PSMD5: variants seen among roughly 807,000 people sequenced by gnomAD.
PSMD5 encodes 26S proteasome non-ATPase regulatory subunit 5.
Under a neutral mutation model 52.1 loss-of-function variants are expected in PSMD5, and 40 were observed. That is an observed-to-expected ratio of 0.77 (90% CI 0.60 to 1.00). The LOEUF (loss-of-function observed/expected upper bound fraction) is 1.00, where lower values mean the gene tolerates loss of function less well. PSMD5 is among the 50% of genes least tolerant of loss of function. The pLI, the probability that PSMD5 is intolerant of heterozygous loss-of-function variation, is 0.00. For synonymous variants in PSMD5, 211 were observed against 226.6 expected, an observed-to-expected ratio of 0.93 and a Z score of 0.62; for missense variants, 575 against 605.2, an observed-to-expected ratio of 0.95 and a Z score of 0.52.
chr9:120,821,224 A>T, intron 8 of PSMD5, 131 bp downstream of exon 8: 1 of 742,790 alleles, frequency 1.3e-6, no homozygotes, highest in Non-Finnish European at 2.1e-6. Context: ...ATTTTAAATT[A>T]AAAATGTCAC....
Position 120,831,380 on chromosome 9 carries a change from A to C in PSMD5, c.512T>G (p.Leu171Trp). The C allele has an allele frequency of 6.2e-7, 1 of 1,612,966 alleles. No homozygotes were observed. The highest frequency in any genetic ancestry group is 1.3e-5 in the African/African-American group (1 of 74,996). The change falls in exon 4 of 10, where the codon TTG (leucine) becomes TGG (tryptophan). Residue 171 changes from leucine to tryptophan, a missense_variant. Transcript: ENST00000210313. ...GTCATTTGTTTTCATTACACTTTTC[A>C]AATCATCCAGCAGATTGCTTTCAAA... The part of the protein sequence containing the change: ...ALFESNLLDD[L>W]KSVMKTNDIV...
rs145510801 is a variant in PSMD5, at chr9:120,829,321, A to T, written c.562-113T>A. ...TAGGTACTTTTTATAAATGAGTTTT[A>T]AAAAATCCATTATTTGTCTCTTTAA... On this transcript the variant is annotated intron_variant, in intron 4 of 9. Coordinates refer to ENST00000210313, the MANE Select transcript of PSMD5 (RefSeq NM_005047.4). 7.2e-5 allele frequency: 89 copies of T among 1,241,916 alleles called. No individual in the cohort carries two copies. The East Asian group carries it at 1.0e-3, about 14-fold the overall frequency. 76.9% of individuals were successfully genotyped at this position (1,241,916 alleles called of 1,614,324 possible). A position where few individuals can be genotyped will look rare whatever the true frequency, so the allele number is the denominator to read the frequency against.
chr9:120,821,589 C>T, intron 7 of PSMD5, 125 bp from the exon 8 acceptor site: 1 of 508,476 alleles, frequency 2.0e-6, no homozygotes, highest in Non-Finnish European at 3.3e-6. Context: ...TGTTGGGCAA[C>T]CATCATAACC....
intron 6 of PSMD5, chr9:120,824,893 G>A (rs2045112308): frequency 4.5e-6 from 2 of 447,848 alleles, no homozygotes; most frequent in Non-Finnish European, 3.9e-6. Context: ...CAATGGAGCT[G>A]GGACCAGCTA....
Position 120,833,672 on chromosome 9 carries a change from C to CTTTTTTTTTT in PSMD5, c.174-226_174-217dup, listed in dbSNP as rs71385094. Among the ~76,000 whole-genome samples the CTTTTTTTTTT allele has an allele frequency of 9.3e-5, 8 of 85,620 alleles. 1 individual carries two copies. Among genetic ancestry groups the CTTTTTTTTTT allele is most frequent in the South Asian group, 4.0e-4 (1 of 2,486 alleles). The allele number at this position is 85,620 out of a possible 152,430, so 56.2% of individuals were successfully genotyped here. A position where few individuals can be genotyped will look rare whatever the true frequency, so the allele number is the denominator to read the frequency against. On this transcript the variant is annotated intron_variant, in intron 1 of 9. Transcript: ENST00000210313. Reference sequence around the variant, plus strand: ...AGAATAAGATATGCACTCTAGTCTTCTTTTTTTTTTTTTTTTTTTTTTTTG... The same window carrying CTTTTTTTTTT: ...AGAATAAGATATGCACTCTAGTCTTCTTTTTTTTTTTTTTTTTTTTTTTTTTTTTTTTTTG...
intron 8 of PSMD5, 49 bp from the exon 9 acceptor site, chr9:120,821,028 A>G (rs747280532): frequency 6.6e-7 from 1 of 1,520,156 alleles, no homozygotes; most frequent in Non-Finnish European, 8.8e-7. Flanking sequence ...TGATCTGGAG[A>G]AAAGCACTTA....
intron 9 of PSMD5, among the ~76,000 whole-genome samples, chr9:120,818,769 A>G (rs1485609454): frequency 1.3e-5 from 2 of 151,692 alleles, no homozygotes; most frequent in Admixed American, 6.6e-5. Flanking sequence ...AAAAAAAAAA[A>G]GCAAAAACTG....
At chr9:120,824,964 C>T (rs545216033) in intron 6 of PSMD5, 92 of 266,022 alleles carry the variant, frequency 3.5e-4, no homozygotes, top group Non-Finnish European at 5.4e-4. Flanking sequence ...ATACAAATTA[C>T]AGGAAGGCAA....
chr9:120,839,185 T>C (rs16910165), intron 1 of PSMD5, among the ~76,000 whole-genome samples: 26,116 of 151,736 alleles, frequency 0.17, 2,570 homozygotes, highest in African/African-American at 0.25. Flanking sequence ...TAAGGAAAAA[T>C]AAGGGTGCCA....
chr9:120,831,976 T>C, intron 2 of PSMD5, 31 bp from the exon 3 acceptor site: 1 of 1,605,140 alleles, frequency 6.2e-7, no homozygotes, highest in Non-Finnish European at 8.5e-7. Context: ...AACACTCTTC[T>C]AAAGTAGGGC....
At chr9:120,825,295 G>A (rs964629664) in intron 6 of PSMD5, among the ~76,000 whole-genome samples, 3 of 152,126 alleles carry the variant, frequency 2.0e-5, no homozygotes, top group Non-Finnish European at 4.4e-5. Context: ...TCAACAGTAC[G>A]TAGCTCCAAG....
intron 4 of PSMD5, among the ~76,000 whole-genome samples, chr9:120,830,380 G>T (rs2045151551): frequency 6.6e-6 from 1 of 152,212 alleles, no homozygotes; most frequent in African/African-American, 2.4e-5. Flanking sequence ...AAAGGTCTCA[G>T]TTGGAAGTTT....
intron 9 of PSMD5, 43 bp from the exon 10 acceptor site, chr9:120,818,206 G>T: frequency 1.3e-6 from 2 of 1,566,616 alleles, no homozygotes; most frequent in Non-Finnish European, 1.7e-6. Context: ...CTGAGTGGAA[G>T]TTGTTTGTTA....
chr9:120,836,132 C>T (rs1416469410), intron 1 of PSMD5, among the ~76,000 whole-genome samples: 1 of 152,218 alleles, frequency 6.6e-6, no homozygotes. Flanking sequence ...TTTCATTTAG[C>T]ACAACGTCTT....
Position 120,824,778 on chromosome 9 carries a change from G to T in PSMD5, c.815-93C>A, listed in dbSNP as rs561429834. The T allele has an allele frequency of 4.7e-6, 5 of 1,064,020 alleles. No individual in the cohort carries two copies. The African/African-American group carries it at 8.0e-5, about 17-fold the overall frequency. 65.9% of individuals were successfully genotyped at this position (1,064,020 alleles called of 1,614,324 possible). On this transcript the variant is annotated intron_variant, in intron 6 of 9. Transcript: ENST00000210313. ...TTCACAGGAACAGAAATGAACTGCA[G>T]GCCAGAAAAGCATAGAAAGGTTAGA... is the stretch of plus-strand genomic sequence containing the variant.
At chr9:120,831,250 T>C in intron 4 of PSMD5, 81 bp downstream of exon 4, 1 of 1,416,468 alleles carries the variant, frequency 7.1e-7, no homozygotes, top group Non-Finnish European at 9.4e-7. Context: ...GATTATATAC[T>C]TAATGAGCCA....
At chr9:120,832,357 A>G (rs1440500864) in intron 2 of PSMD5, among the ~76,000 whole-genome samples, 1 of 151,640 alleles carries the variant, frequency 6.6e-6, no homozygotes, top group Non-Finnish European at 1.5e-5. Flanking sequence ...ATAAATGGCC[A>G]GTGAATAAAC....
rs533664143 is a variant in PSMD5, at chr9:120,817,860, G to A, written c.*46C>T. On this transcript the variant is annotated 3_prime_UTR_variant, in exon 10 of 10. Coordinates refer to ENST00000210313, the MANE Select transcript of PSMD5 (RefSeq NM_005047.4). ...ATAGATGGAGTCAAATGCCTTAGGA[G>A]AAGTTTTGGTCAAAACGTGGTCCTC... The A allele has an allele frequency of 5.8e-6, 9 of 1,552,756 alleles. No homozygotes were observed. The highest frequency in any genetic ancestry group is 6.1e-6 in the Non-Finnish European group (7 of 1,144,096).
chr9:120,825,000 T>A (rs554900625), intron 6 of PSMD5: 37 of 201,544 alleles, frequency 1.8e-4, no homozygotes, highest in African/African-American at 8.1e-4. Flanking sequence ...CAGGAAGAAA[T>A]TTTTAAATGG....
Sources: allele counts gnomAD v4.1 joint callset (sites outside exome capture counted in the v4.1 genomes callset), GRCh38; gene constraint gnomAD v4.1.1; transcripts MANE v1.5; gene names NCBI Gene and HGNC (gene_info 2026-07-23, HGNC 2026-07-21).